The following BCAS4 variants were observed in gnomAD, a reference collection of about 807,000 sequenced individuals.
BCAS4 encodes the protein breast carcinoma-amplified sequence 4.
A neutral mutation model predicts 15.7 loss-of-function variants in BCAS4; 9 were observed. The observed-to-expected ratio is 0.57, with a 90% CI of 0.34 to 1.00. The LOEUF is 1.00. BCAS4 is among the 50% of genes least tolerant of loss of function. The pLI is 0.02. For missense variants in BCAS4, 225 were observed against 239.1 expected (o/e 0.94, Z 0.39); for synonymous variants, 101 against 99.5 (o/e 1.02, Z -0.09).
At chr20:50,809,682 A>G (rs1303362867) in intron 1 of BCAS4, among the ~76,000 whole-genome samples, 3 of 152,116 alleles carry the variant, frequency 2.0e-5, no homozygotes, top group Non-Finnish European at 2.9e-5. Flanking sequence ...TTGAATTTGT[A>G]GATTGCTTTT....
At chr20:50,845,566 G>C (rs1205042611) in intron 4 of BCAS4, among the ~76,000 whole-genome samples, 1 of 152,132 alleles carries the variant, frequency 6.6e-6, no homozygotes, top group Non-Finnish European at 1.5e-5. Flanking sequence ...CGGGGGCTCG[G>C]AGAGCTTTGG....
chr20:50,796,917 A>G (rs191209771), intron 1 of BCAS4, among the ~76,000 whole-genome samples: 9 of 151,282 alleles, frequency 5.9e-5, no homozygotes, highest in African/African-American at 2.2e-4. Context: ...TGTAGCCTCA[A>G]CCTCCTGGGC....
chr20:50,846,467 T>C (rs1392077875), intron 4 of BCAS4, among the ~76,000 whole-genome samples: 1 of 152,128 alleles, frequency 6.6e-6, no homozygotes, highest in Non-Finnish European at 1.5e-5. Context: ...CTAGATATTA[T>C]TAAAATAATA....
At chr20:50,842,027 C>T (rs929474189) in intron 4 of BCAS4, 127 bp downstream of exon 4, 61 of 1,216,072 alleles carry the variant, frequency 5.0e-5, no homozygotes, top group Non-Finnish European at 5.5e-5. Flanking sequence ...AGACAGGAAA[C>T]GGGTACAGGC....
chr20:50,838,887 G>C (rs1800832415), intron 3 of BCAS4, among the ~76,000 whole-genome samples: 2 of 151,928 alleles, frequency 1.3e-5, no homozygotes, highest in South Asian at 4.2e-4. Context: ...CACACAAGCA[G>C]GGCCACACCC....
At chr20:50,810,790 CCAT>C (rs1189764305) in intron 1 of BCAS4, among the ~76,000 whole-genome samples, 4 of 152,012 alleles carry the variant, frequency 2.6e-5, no homozygotes, top group Non-Finnish European at 5.9e-5. Context: ...CGGGGTTTCA[CCAT>C]GTTGGCCAGG....
chr20:50,795,277 G>A (rs1207599262), intron 1 of BCAS4, 104 bp downstream of exon 1: 3 of 1,081,662 alleles, frequency 2.8e-6, no homozygotes, highest in Non-Finnish European at 1.2e-6. Flanking sequence ...CCCGGAGTGG[G>A]GGGCCCGGGG....
intron 3 of BCAS4, among the ~76,000 whole-genome samples, chr20:50,841,221 C>CA (rs2088477247): frequency 6.6e-6 from 1 of 152,202 alleles, no homozygotes; most frequent in African/African-American, 2.4e-5. Flanking sequence ...CCCTGCTTCC[C>CA]ATTAGGCCCC....
At chr20:50,834,292 CTTTTTTTTTTTTT>C (rs74175526) in intron 3 of BCAS4, among the ~76,000 whole-genome samples, 2 of 121,086 alleles carry the variant, frequency 1.7e-5, no homozygotes, top group South Asian at 2.6e-4. Context: ...TCGAACTCTT[CTTTTTTTTTTTTT>C]TTTTTTTTGA....
chr20:50,813,862 C>T (rs1156625571), intron 1 of BCAS4, among the ~76,000 whole-genome samples: 1 of 151,584 alleles, frequency 6.6e-6, no homozygotes, highest in Admixed American at 6.6e-5. Flanking sequence ...CACTCACCAT[C>T]TCCACTGGTC....
upstream of BCAS4, chr20:50,794,944 C>A (rs1322883239): frequency 8.5e-7 from 1 of 1,170,678 alleles, no homozygotes; most frequent in Non-Finnish European, 1.1e-6. Context: ...CTGCGAGCCG[C>A]GACCGCCGGG....
At chr20:50,862,026 T>C (rs1339109529) in intron 4 of BCAS4, among the ~76,000 whole-genome samples, 1 of 151,778 alleles carries the variant, frequency 6.6e-6, no homozygotes, top group Non-Finnish European at 1.5e-5. Flanking sequence ...GCTAATTTAT[T>C]TTATTTTTTA....
intron 1 of BCAS4, among the ~76,000 whole-genome samples, chr20:50,797,076 G>A (rs1381131152): frequency 1.3e-5 from 2 of 152,022 alleles, no homozygotes; most frequent in South Asian, 2.1e-4. Context: ...GGGCCCAAGA[G>A]ATCCTTTGGC....
At chr20:50,847,407 G>A (rs2088559831) in intron 4 of BCAS4, among the ~76,000 whole-genome samples, 1 of 152,174 alleles carries the variant, frequency 6.6e-6, no homozygotes, top group Non-Finnish European at 1.5e-5. Flanking sequence ...CTTTGCTTGT[G>A]AGGAATGGAG....
intron 1 of BCAS4, among the ~76,000 whole-genome samples, chr20:50,795,794 A>G (rs944552036): frequency 2.6e-5 from 4 of 152,170 alleles, no homozygotes; most frequent in African/African-American, 9.7e-5. Context: ...ATTTAACATA[A>G]AGGCTATGCA....
intron 4 of BCAS4, among the ~76,000 whole-genome samples, chr20:50,853,516 G>A (rs975380478): frequency 3.9e-5 from 6 of 151,938 alleles, no homozygotes; most frequent in Non-Finnish European, 7.4e-5. Context: ...GCAGCTCCTC[G>A]TATCATAATG....
At chr20:50,868,341 T>A (rs933021222) in intron 4 of BCAS4, among the ~76,000 whole-genome samples, 4 of 152,222 alleles carry the variant, frequency 2.6e-5, no homozygotes, top group Non-Finnish European at 5.9e-5. Flanking sequence ...TTTGGAATTG[T>A]TTTGGAACGA....
chr20:50,804,320 T>C (rs941368466), intron 1 of BCAS4, among the ~76,000 whole-genome samples: 13 of 152,234 alleles, frequency 8.5e-5, no homozygotes, highest in Non-Finnish European at 1.6e-4. Context: ...ATTATAGGTA[T>C]GAGCCACTGC....
At chr20:50,860,754 C>T (rs1488188903) in intron 4 of BCAS4, among the ~76,000 whole-genome samples, 1 of 152,048 alleles carries the variant, frequency 6.6e-6, no homozygotes, top group African/African-American at 2.4e-5. Flanking sequence ...CACACACCTG[C>T]AATCCCAGCT....
Sources: gnomAD v4.1 joint callset for allele counts (sites outside exome capture counted in the v4.1 genomes callset) on GRCh38, gnomAD v4.1.1 for gene constraint, MANE v1.5 for transcripts, NCBI Gene and HGNC (gene_info 2026-07-23, HGNC 2026-07-21) for gene names.